ERC2: variants seen among roughly 807,000 people sequenced by gnomAD.
ERC2 encodes ELKS/RAB6-interacting/CAST family member 2, also known as ERC protein 2.
Under a neutral mutation model 114.8 loss-of-function variants are expected in ERC2, and 42 were observed. The observed-to-expected ratio is 0.37, with a 90% CI of 0.29 to 0.47. The LOEUF (loss-of-function observed/expected upper bound fraction) is 0.47, where lower values mean the gene tolerates loss of function less well. Ranked by LOEUF, ERC2 falls within the 20% of genes least tolerant of loss-of-function variation. The pLI is 0.99. For missense variants in ERC2, 939 were observed against 1,150.7 expected, an observed-to-expected ratio of 0.82 and a Z score of 2.66; for synonymous variants, 454 against 425.5, an observed-to-expected ratio of 1.07 and a Z score of -0.82.
intron 6 of ERC2, among the ~76,000 whole-genome samples, chr3:56,087,977 T>C (rs1334592532): frequency 1.3e-5 from 2 of 152,146 alleles, no homozygotes; most frequent in Non-Finnish European, 2.9e-5. Flanking sequence ...CTCACTCACA[T>C]CCAACTCTCC....
chr3:56,432,050 C>A (rs1458318010), intron 2 of ERC2, among the ~76,000 whole-genome samples: 2 of 152,130 alleles, frequency 1.3e-5, no homozygotes, highest in Non-Finnish European at 2.9e-5. Flanking sequence ...ATGAAATGGA[C>A]AAATGGTTCG....
At chr3:56,190,788 G>C (rs2083944448) in intron 3 of ERC2, among the ~76,000 whole-genome samples, 1 of 152,056 alleles carries the variant, frequency 6.6e-6, no homozygotes, top group Non-Finnish European at 1.5e-5. Flanking sequence ...TGCCTAGGCT[G>C]TTCTCAAGCT....
chr3:56,271,731 A>G (rs2053664292), intron 3 of ERC2, among the ~76,000 whole-genome samples: 1 of 152,150 alleles, frequency 6.6e-6, no homozygotes, highest in African/African-American at 2.4e-5. Context: ...AGTACCCAAT[A>G]GGTAGTTTTT....
intron 14 of ERC2, among the ~76,000 whole-genome samples, chr3:55,879,181 T>C (rs2063008444): frequency 6.6e-6 from 1 of 150,670 alleles, no homozygotes; most frequent in African/African-American, 2.4e-5. Flanking sequence ...TTTCCTAAGT[T>C]TCATCTACGT....
rs188895865 is a variant in ERC2, at chr3:55,867,436, C to T, written c.2564+20953G>A. ...CTAAGCTGTAAGGGTTCTAGTCATC[C>T]GTAGTGACCATACATACACAATGCC... On this transcript the variant is annotated intron_variant, in intron 14 of 17. Transcript: ENST00000288221. Among the ~76,000 whole-genome samples, 225 of 152,232 alleles carry T rather than the reference C, an allele frequency of 1.5e-3. 2 individuals carry two copies. The highest frequency in any genetic ancestry group is 5.3e-3 in the African/African-American group (218 of 41,520).
intron 1 of ERC2, among the ~76,000 whole-genome samples, chr3:56,458,644 G>A (rs111296916): frequency 0.022 from 3,329 of 152,132 alleles, 55 homozygotes; most frequent in Middle Eastern, 0.048. Flanking sequence ...AAGCCCATAC[G>A]AATGCCACGC....
At chr3:55,549,849 C>T (rs2055028467) in intron 17 of ERC2, among the ~76,000 whole-genome samples, 1 of 151,908 alleles carries the variant, frequency 6.6e-6, no homozygotes, top group Non-Finnish European at 1.5e-5. Context: ...ATGGTAAAAA[C>T]AGCAACAGCA....
chr3:55,828,485 G>GGCAGCAGGCGCAGCAGGA, intron 14 of ERC2, among the ~76,000 whole-genome samples: 1 of 152,066 alleles, frequency 6.6e-6, no homozygotes, highest in Non-Finnish European at 1.5e-5. Context: ...GGGCAGCAGG[G>GGCAGCAGGCGCAGCAGGA]GCAGCAGGGG....
intron 6 of ERC2, among the ~76,000 whole-genome samples, chr3:56,132,307 TAAC>T (rs976970474): frequency 5.9e-5 from 9 of 152,198 alleles, no homozygotes; most frequent in Non-Finnish European, 1.0e-4. Context: ...TTTCTCCATG[TAAC>T]AACATTTTCA....
intron 6 of ERC2, among the ~76,000 whole-genome samples, chr3:56,102,357 C>T (rs1015733972): frequency 1.3e-5 from 2 of 152,148 alleles, no homozygotes; most frequent in Non-Finnish European, 2.9e-5. Context: ...TACATTATTA[C>T]ATGAAATGTC....
chr3:56,450,211 C>T (rs2062768550), intron 1 of ERC2, among the ~76,000 whole-genome samples: 1 of 152,218 alleles, frequency 6.6e-6, no homozygotes, highest in Non-Finnish European at 1.5e-5. Context: ...TCAGTACTCT[C>T]TCCTTTAGTT....
intron 14 of ERC2, among the ~76,000 whole-genome samples, chr3:55,785,869 T>C (rs369893834): frequency 2.0e-4 from 30 of 152,366 alleles, no homozygotes; most frequent in African/African-American, 7.0e-4. Context: ...TCCTGTAAGA[T>C]GCCAGCTACT....
At chr3:55,683,674 A>G in intron 17 of ERC2, 120 bp downstream of exon 17, 2 of 833,318 alleles carry the variant, frequency 2.4e-6, no homozygotes, top group Non-Finnish European at 3.8e-6. Flanking sequence ...GCGCTCACAG[A>G]ACACAGTAGC....
intron 14 of ERC2, among the ~76,000 whole-genome samples, chr3:55,845,100 C>T (rs959210300): frequency 1.3e-5 from 2 of 152,098 alleles, no homozygotes; most frequent in African/African-American, 4.8e-5. Flanking sequence ...GGAGCTCAGG[C>T]AGTAATGCTC....
intron 7 of ERC2, among the ~76,000 whole-genome samples, chr3:56,077,868 G>A (rs2077047290): frequency 6.6e-6 from 1 of 152,120 alleles, no homozygotes; most frequent in African/African-American, 2.4e-5. Context: ...ATTAATAATT[G>A]TGCCCATCTC....
chr3:56,219,387 C>G (rs777419958), intron 3 of ERC2, among the ~76,000 whole-genome samples: 1 of 151,950 alleles, frequency 6.6e-6, no homozygotes, highest in Non-Finnish European at 1.5e-5. Context: ...AGTGATGGAG[C>G]CATTCATTTA....
chr3:55,935,983 G>A (rs1287591924), intron 13 of ERC2, among the ~76,000 whole-genome samples: 1 of 152,138 alleles, frequency 6.6e-6, no homozygotes, highest in Non-Finnish European at 1.5e-5. Flanking sequence ...TTTATTCATG[G>A]TTAGCCTATC....
chr3:55,618,805 T>C (rs1407058497), intron 17 of ERC2, among the ~76,000 whole-genome samples: 1 of 152,050 alleles, frequency 6.6e-6, no homozygotes, highest in African/African-American at 2.4e-5. Flanking sequence ...AGCAGAACAA[T>C]AAAATTGAAT....
Position 55,669,557 on chromosome 3 carries a change from C to A in ERC2, c.*39+14237G>T, listed in dbSNP as rs188489519. Among the ~76,000 whole-genome samples the A allele has an allele frequency of 3.4e-4, 52 of 152,304 alleles. 2 individuals are homozygous for A. In the East Asian group the frequency reaches 9.4e-3, roughly 28 times the overall value. ...GGTTGTGGCCTCTGTTGAAGTTTCC[C>A]CTACTTCAAAACATGATTGTATTTC... On this transcript the variant is annotated intron_variant, in intron 17 of 17. Transcript: ENST00000288221.
Sources: allele counts gnomAD v4.1 joint callset (sites outside exome capture counted in the v4.1 genomes callset), GRCh38; gene constraint gnomAD v4.1.1; transcripts MANE v1.5; gene names NCBI Gene and HGNC (gene_info 2026-07-23, HGNC 2026-07-21).